Variants in RBM46 observed in about 807,000 individuals in gnomAD.
The protein encoded by RBM46 is RNA binding motif protein 46.
RBM46 carries 12 observed loss-of-function variants against 43.3 expected under a neutral mutation model. The observed-to-expected ratio is 0.28, with a 90% CI of 0.18 to 0.45. RBM46 has a LOEUF of 0.45. Among genes scored for constraint, RBM46 ranks in the 20% least tolerant of loss-of-function variants. The probability of loss-of-function intolerance (pLI) is 1.00; values close to 1 mark genes in which losing one functional copy is unlikely to be tolerated. For synonymous variants in RBM46, 205 were observed against 207.6 expected, an observed-to-expected ratio of 0.99 and a Z score of 0.11; for missense variants, 412 against 639.1, an observed-to-expected ratio of 0.64 and a Z score of 3.83.
intron 1 of RBM46, among the ~76,000 whole-genome samples, chr4:154,786,790 G>A (rs1359287385): frequency 1.3e-5 from 2 of 152,132 alleles, no homozygotes; most frequent in African/African-American, 4.8e-5. Context: ...AGCCAGGCAT[G>A]ATGGCGCATG....
chr4:154,806,111 C>A (rs922807443), intron 4 of RBM46, among the ~76,000 whole-genome samples: 2 of 151,730 alleles, frequency 1.3e-5, no homozygotes, highest in Non-Finnish European at 3.0e-5. Context: ...GCTTAGTCCT[C>A]ATGAAAATGT....
At chr4:154,809,104 T>C (rs1328092928) in intron 4 of RBM46, among the ~76,000 whole-genome samples, 2 of 152,142 alleles carry the variant, frequency 1.3e-5, no homozygotes, top group Middle Eastern at 3.2e-3. Flanking sequence ...AATACATATA[T>C]GTATGTGTGA....
At chr4:154,805,763 C>T (rs1734877688) in intron 4 of RBM46, among the ~76,000 whole-genome samples, 1 of 151,504 alleles carries the variant, frequency 6.6e-6, no homozygotes, top group Non-Finnish European at 1.5e-5. Flanking sequence ...GAAACTTTCT[C>T]CAGGTTTTTT....
At chr4:154,793,890 C>G (rs1484854337) in intron 1 of RBM46, among the ~76,000 whole-genome samples, 1 of 152,140 alleles carries the variant, frequency 6.6e-6, no homozygotes, top group Non-Finnish European at 1.5e-5. Flanking sequence ...TTGCCAGAGC[C>G]TTGTAAAAGC....
At chr4:154,808,760 GTTAAT>G (rs1458459537) in intron 4 of RBM46, among the ~76,000 whole-genome samples, 1 of 152,044 alleles carries the variant, frequency 6.6e-6, no homozygotes, top group African/African-American at 2.4e-5. Context: ...TGAAATGCTT[GTTAAT>G]TTAAAGGCAT....
intron 1 of RBM46, chr4:154,781,879 G>T (rs1733494602): frequency 6.6e-6 from 1 of 152,282 alleles, no homozygotes; most frequent in African/African-American, 2.4e-5. Flanking sequence ...CCGTTGTAGG[G>T]TCCGCGCGTC....
chr4:154,782,155 G>A (rs1044804172), intron 1 of RBM46, among the ~76,000 whole-genome samples: 9 of 152,206 alleles, frequency 5.9e-5, no homozygotes, highest in African/African-American at 2.2e-4. Flanking sequence ...ACACACGGAC[G>A]GCAGCACACG....
chr4:154,804,225 C>G (rs1227165115), intron 4 of RBM46, among the ~76,000 whole-genome samples: 2 of 152,120 alleles, frequency 1.3e-5, no homozygotes, highest in African/African-American at 2.4e-5. Flanking sequence ...CAAGAATGAT[C>G]TAAACCAAAT....
chr4:154,821,766 G>A (rs963728909), intron 4 of RBM46, among the ~76,000 whole-genome samples: 20 of 151,696 alleles, frequency 1.3e-4, no homozygotes, highest in Admixed American at 6.6e-4. Context: ...TTCCCATTAT[G>A]TATTAACTCC....
chr4:154,808,169 T>G (rs1734999948), intron 4 of RBM46, among the ~76,000 whole-genome samples: 1 of 152,044 alleles, frequency 6.6e-6, no homozygotes, highest in South Asian at 2.1e-4. Flanking sequence ...TTGTTACTAT[T>G]CTTGTGTGTT....
At chr4:154,798,660 C>T in intron 3 of RBM46, 122 bp from the exon 4 acceptor site, 1 of 761,482 alleles carries the variant, frequency 1.3e-6, no homozygotes. Context: ...GAAACAAATG[C>T]TTAACCAAAT....
chr4:154,787,378 C>T (rs1578889273), intron 1 of RBM46: 1 of 141,476 alleles, frequency 7.1e-6, no homozygotes, highest in East Asian at 2.3e-4. Context: ...GTTCCCCACC[C>T]TGTGTCCAAG....
chr4:154,793,356 G>A (rs1734195677), intron 1 of RBM46, among the ~76,000 whole-genome samples: 1 of 152,158 alleles, frequency 6.6e-6, no homozygotes. Context: ...TACTCTTGCA[G>A]TTATATCTGT....
chr4:154,827,807 TTTAAA>T (rs1224111603), intron 4 of RBM46, 56 bp from the exon 5 acceptor site: 20 of 1,604,366 alleles, frequency 1.2e-5, no homozygotes, highest in East Asian at 2.2e-5. Flanking sequence ...GCTTTGTCTC[TTTAAA>T]TTAAATTTGT....
At position 154,794,630 on chromosome 4, in the gene RBM46, A is replaced by G. The variant is rs565830188; in HGVS notation, c.-11-2112A>G. The stretch of plus-strand genomic sequence containing the variant: ...GTTTATAAGAAGTTACCTAACTTAC[A>G]AGGTATACCTTGTACATGCCAAGTA... On this transcript the variant is annotated intron_variant, in intron 1 of 4. Coordinates refer to ENST00000281722, the MANE Select transcript of RBM46 (RefSeq NM_144979.5). Among the ~76,000 whole-genome samples, 3 of 152,318 alleles carry G rather than the reference A, an allele frequency of 2.0e-5. No individual in the cohort carries two copies. The South Asian group carries it at 6.2e-4, about 32-fold the overall frequency.
rs538962253 is a variant in RBM46, at chr4:154,807,517, T to C, written c.1402+7953T>C. ...GGAGACAGAAGATGTAGAATGATGG[T>C]TTCACTATGGCGAATTTATTTTATG... is the stretch of plus-strand genomic sequence containing the variant. On this transcript the variant is annotated intron_variant, in intron 4 of 4. Coordinates refer to ENST00000281722, the MANE Select transcript of RBM46 (RefSeq NM_144979.5). Among the ~76,000 whole-genome samples, 7 of 152,022 alleles carry C rather than the reference T, an allele frequency of 4.6e-5. 1 individual carries two copies. In the South Asian group the frequency reaches 1.2e-3, roughly 27 times the overall value.
intron 4 of RBM46, chr4:154,826,666 G>T (rs1735978340): frequency 2.9e-6 from 2 of 697,450 alleles, no homozygotes; most frequent in Admixed American, 2.6e-5. Flanking sequence ...TCATAAAAAG[G>T]TTATAAAATT....
intron 4 of RBM46, among the ~76,000 whole-genome samples, chr4:154,804,214 G>A (rs1734793379): frequency 6.6e-6 from 1 of 152,170 alleles, no homozygotes; most frequent in Non-Finnish European, 1.5e-5. Flanking sequence ...TTATAGCAGT[G>A]CAAGAATGAT....
At chr4:154,827,033 A>G in intron 4 of RBM46, 3 of 1,217,768 alleles carry the variant, frequency 2.5e-6, no homozygotes, top group Non-Finnish European at 3.1e-6. Context: ...ACTAAAGAAC[A>G]TAGTTGAGTT....
Sources: allele counts gnomAD v4.1 joint callset (sites outside exome capture counted in the v4.1 genomes callset), GRCh38; gene constraint gnomAD v4.1.1; transcripts MANE v1.5; gene names NCBI Gene and HGNC (gene_info 2026-07-23, HGNC 2026-07-21).